Variants in TAGAP observed in about 807,000 individuals in gnomAD.
TAGAP encodes the protein T cell activation RhoGTPase activating protein, also known as T-cell activation Rho GTPase-activating protein.
A neutral mutation model predicts 36.0 loss-of-function variants in TAGAP; 16 were observed. That is an observed-to-expected ratio of 0.44 (90% CI 0.30 to 0.68). TAGAP has a LOEUF of 0.68. Among genes scored for constraint, TAGAP ranks in the 30% least tolerant of loss-of-function variants. The pLI is 0.09. For synonymous variants in TAGAP, 372 were observed against 377.4 expected, an observed-to-expected ratio of 0.99 and a Z score of 0.17; for missense variants, 794 against 921.5, an observed-to-expected ratio of 0.86 and a Z score of 1.79.
rs370566579 is a variant in TAGAP, at chr6:159,041,324, G to C, written c.477+30C>G. ...ATGAGTGTGTCAGGGCCCCTTGGCAGGTTATTTGGCGCAAGTGTGTTGAAC... is the reference window on the plus strand; with the variant it reads ...ATGAGTGTGTCAGGGCCCCTTGGCACGTTATTTGGCGCAAGTGTGTTGAAC... On this transcript the variant is annotated intron_variant, in intron 6 of 9. Coordinates refer to ENST00000367066, the MANE Select transcript of TAGAP (RefSeq NM_054114.5). This position sits in a 1 kb window ranked among gnomAD's most constrained non-coding sequence, Gnocchi z 4.1. The C allele has an allele frequency of 4.4e-6, 7 of 1,608,788 alleles. No individual in the cohort carries two copies. Among genetic ancestry groups the C allele is most frequent in the Non-Finnish European group, 5.1e-6 (6 of 1,177,562 alleles).
chr6:159,044,767 A>G, intron 1 of TAGAP, 112 bp downstream of exon 1: 1 of 394,614 alleles, frequency 2.5e-6, no homozygotes, highest in Non-Finnish European at 4.5e-6. Context: ...GACTTTATAA[A>G]GTGAGAGCAT....
chr6:159,038,182 A>G lies in TAGAP; in HGVS notation c.830T>C (p.Phe277Ser). 1 of 1,613,638 alleles carries G rather than the reference A, an allele frequency of 6.2e-7. No individual in the cohort carries two copies. Among genetic ancestry groups the G allele is most frequent in the Non-Finnish European group, 8.5e-7 (1 of 1,179,728 alleles). The change falls in exon 9 of 10, where the codon TTT becomes TCT. Residue 277 changes from phenylalanine to serine, a missense_variant. Coordinates refer to ENST00000367066, the MANE Select transcript of TAGAP (RefSeq NM_054114.5). Reference protein sequence around the residue: ...EFLIDNCFEIFGENIPVHSSI... With the variant: ...EFLIDNCFEISGENIPVHSSI... ...GGAATGCACTGGAATGTTCTCCCCA[A>G]ATATTTCAAAGCAGTTATCAATGAG...
intron 4 of TAGAP, among the ~76,000 whole-genome samples, chr6:159,043,366 G>T (rs1015065594): frequency 1.3e-5 from 2 of 152,226 alleles, no homozygotes; most frequent in Non-Finnish European, 2.9e-5. Context: ...AAAACGCTTG[G>T]CAGAACTGGG....
rs1417940893 is a variant in TAGAP at position 159,043,909 on chromosome 6, A to G, written c.81+69T>C. The G allele has an allele frequency of 3.6e-6, 5 of 1,393,396 alleles. No homozygotes were observed. In the Admixed American group the frequency reaches 7.8e-5, roughly 22 times the overall value. 86.3% of individuals were successfully genotyped at this position (1,393,396 alleles called of 1,614,324 possible). On this transcript the variant is annotated intron_variant, in intron 3 of 9. Transcript: ENST00000367066. ...ATAATTACTATTCAACCCAAATAAT[A>G]TTCAATTAAAACAAAGTTTTCCACC...
rs1173819328 is a variant in TAGAP, at chr6:159,035,962, C to A, written c.2061G>T (p.Gly687=). The A allele has an allele frequency of 6.2e-7, 1 of 1,614,082 alleles. No homozygotes were observed. The highest frequency in any genetic ancestry group is 1.3e-5 in the African/African-American group (1 of 74,934). ...TCCTCAGCGGGAGGAGCTCAGGTCT[C>A]CCTGGGCCAGACACGTGCCCCAGAG... is the stretch of plus-strand genomic sequence containing the variant. ...GDSLGHVSGP[G]RPELLPLRTV... Residue 687 remains glycine, a synonymous_variant, in exon 10 of 10, where the codon GGG becomes GGT. Coordinates refer to ENST00000367066, the MANE Select transcript of TAGAP (RefSeq NM_054114.5).
rs146024346 is a variant in TAGAP, at chr6:159,041,513, G to A, written c.318C>T (p.Asp106=). ...CTTTAAGGCATAGAATAGTGAGAAT[G>A]TCCTAAAGGAAACAGCAATAGGAAC... The part of the protein sequence containing the change: ...DSDTLPRPIQ[D]ILTILCLKGP... Residue 106 remains aspartate, a splice_region_variant and synonymous_variant, in exon 6 of 10, where the codon GAC becomes GAT. Transcript: ENST00000367066. The surrounding 1 kb of genome is among the most constrained non-coding windows in gnomAD (Gnocchi z 4.1). 330 of 1,613,196 alleles carry A rather than the reference G, an allele frequency of 2.0e-4. No homozygotes were observed. Among genetic ancestry groups the A allele is most frequent in the Non-Finnish European group, 2.7e-4 (321 of 1,179,742 alleles).
chr6:159,038,265 CTTTTTTT>C (rs559846736), intron 8 of TAGAP, 37 bp from the exon 9 acceptor site: 16,591 of 457,872 alleles, frequency 0.036, 118 homozygotes, highest in African/African-American at 0.05. Flanking sequence ...AGCTTGAAGA[CTTTTTTT>C]TTTTTTTTTT....
chr6:159,036,948 C>A lies in TAGAP; in HGVS notation c.1075G>T (p.Val359Leu). 1 of 1,613,634 alleles carries A rather than the reference C, an allele frequency of 6.2e-7. No individual in the cohort carries two copies. Among genetic ancestry groups the A allele is most frequent in the Non-Finnish European group, 8.5e-7 (1 of 1,179,676 alleles). ...DAREVSPEPI[V>L]STVARLKSSL... is the part of the protein sequence containing the mutation. The stretch of plus-strand genomic sequence containing the variant: ...CTTTTCAGCCTGGCCACGGTGCTCA[C>A]AATGGGCTCTGGGCTGACCTCTCGG... The change falls in exon 10 of 10, where the codon GTG becomes TTG. Residue 359 changes from valine (V) to leucine (L), a missense_variant. Physicochemically the swap from Val to Leu is conservative, Grantham distance 32. Transcript: ENST00000367066. This position sits in a 1 kb window ranked among gnomAD's most constrained non-coding sequence, Gnocchi z 4.9.
Position 159,039,158 on chromosome 6 carries a change from C to T in TAGAP, c.739G>A (p.Asp247Asn), listed in dbSNP as rs778035400. ...IGPNMLTLEN[D>N]QSLSFEAQKD... ...TGGGCTTCAAATGACAGGCTCTGGT[C>T]ATTCTCCAGGGTGAGCATGTTGGGT... Residue 247 changes from aspartate (D) to asparagine (N), a missense_variant, in exon 8 of 10, where the codon GAC becomes AAC. Coordinates refer to ENST00000367066, the MANE Select transcript of TAGAP (RefSeq NM_054114.5). 1 of 1,614,164 alleles carries T rather than the reference C, an allele frequency of 6.2e-7. No individual in the cohort carries two copies. The highest frequency in any genetic ancestry group is 1.1e-5 in the South Asian group (1 of 91,058).
At chr6:159,043,843 T>C in intron 3 of TAGAP, 135 bp downstream of exon 3, 1 of 977,520 alleles carries the variant, frequency 1.0e-6, no homozygotes. Flanking sequence ...CTAATTAATG[T>C]GCTTAATTTA....
rs1201367406 is a variant in TAGAP at position 159,037,188 on chromosome 6, G to T, written c.899-64C>A. 9.6e-6 allele frequency: 13 copies of T among 1,353,522 alleles called. No individual in the cohort carries two copies. The highest frequency in any genetic ancestry group is 2.8e-5 in the Admixed American group (1 of 35,238). 83.8% of individuals were successfully genotyped at this position (1,353,522 alleles called of 1,614,324 possible). ...TTTATTTATTTATTTATTTTTATTT[G>T]TATTTTTTATTTTCATTTTTTGAGA... On this transcript the variant is annotated intron_variant, in intron 9 of 9. Coordinates refer to ENST00000367066, the MANE Select transcript of TAGAP (RefSeq NM_054114.5). This position sits in a 1 kb window ranked among gnomAD's most constrained non-coding sequence, Gnocchi z 5.1.
At chr6:159,044,727 C>G (rs535782373) in intron 1 of TAGAP, among the ~76,000 whole-genome samples, 152 bp downstream of exon 1, 7 of 152,168 alleles carry the variant, frequency 4.6e-5, no homozygotes, top group African/African-American at 1.4e-4. Context: ...AAAGGTGCAG[C>G]CTTCACGTTG....
intron 7 of TAGAP, 76 bp from the exon 8 acceptor site, chr6:159,039,385 G>A (rs760749430): frequency 4.4e-5 from 64 of 1,462,514 alleles, no homozygotes; most frequent in Middle Eastern, 2.5e-4. Context: ...AGTTTCTGCC[G>A]AAACCAGACT....
Position 159,040,895 on chromosome 6 carries a change from C to T in TAGAP, c.478-63G>A, listed in dbSNP as rs543319828. ...GTATGATGTCCCATGTCCTTGTTTTCACCCGGTTTTCGTTCCATCGCAGGG... is the reference window on the plus strand; with the variant it reads ...GTATGATGTCCCATGTCCTTGTTTTTACCCGGTTTTCGTTCCATCGCAGGG... On this transcript the variant is annotated intron_variant, in intron 6 of 9. Coordinates refer to ENST00000367066, the MANE Select transcript of TAGAP (RefSeq NM_054114.5). The T allele has an allele frequency of 3.3e-5, 45 of 1,372,116 alleles. 2 individuals are homozygous for T. Among genetic ancestry groups the T allele is most frequent in the Middle Eastern group, 3.9e-4 (2 of 5,080 alleles). 85.0% of individuals were successfully genotyped at this position (1,372,116 alleles called of 1,614,324 possible).
At chr6:159,043,499 C>T in intron 4 of TAGAP, 90 bp downstream of exon 4, 1 of 1,219,984 alleles carries the variant, frequency 8.2e-7, no homozygotes, top group Non-Finnish European at 1.2e-6. Flanking sequence ...CAAAAAAATT[C>T]CTAGTAGAGT....
rs1470787046 is a variant in TAGAP, at chr6:159,036,907, G to C, written c.1116C>G (p.Pro372=). 1.2e-6 allele frequency: 2 copies of C among 1,613,986 alleles called. No individual in the cohort carries two copies. The highest frequency in any genetic ancestry group is 1.7e-5 in the Admixed American group (1 of 59,996). The change falls in exon 10 of 10, where the codon CCC becomes CCG. Residue 372 remains proline (P), a synonymous_variant. Transcript: ENST00000367066. This position sits in a 1 kb window ranked among gnomAD's most constrained non-coding sequence, Gnocchi z 4.9. The part of the protein sequence containing the change: ...VARLKSSLAQ[P]DRRYSEPSMP... The stretch of plus-strand genomic sequence containing the variant: ...TGCTGGGCTCTGAGTATCTCCTATC[G>C]GGCTGTGCGAGGGAGCTTTTCAGCC...
intron 4 of TAGAP, 39 bp from the exon 5 acceptor site, chr6:159,042,283 T>G: frequency 6.3e-7 from 1 of 1,596,086 alleles, no homozygotes; most frequent in South Asian, 1.1e-5. Flanking sequence ...AAAATTAGAC[T>G]ACAGTGTTAA....
At position 159,043,620 on chromosome 6, in the gene TAGAP, A is replaced by T. The variant is rs1387289281; in HGVS notation, c.117T>A (p.Cys39Ter). The T allele has an allele frequency of 6.2e-7, 1 of 1,613,944 alleles. No individual in the cohort carries two copies. Among genetic ancestry groups the T allele is most frequent in the Non-Finnish European group, 8.5e-7 (1 of 1,179,920 alleles). ...GCTGGCAAATACTGTCTTCACTCTC[A>T]CATGATGCCAACAGGGGATGTTCCT... Reference protein sequence around the residue: ...DIKEHPLLASCESEDSICQLI... With the variant: ...DIKEHPLLAS Residue 39 changes from cysteine to a stop codon, truncating the protein, a stop_gained, in exon 4 of 10, where the codon TGT (cysteine) becomes TGA (stop). Transcript: ENST00000367066. LOFTEE classifies it high-confidence loss of function.
At position 159,043,641 on chromosome 6, in the gene TAGAP, T is replaced by G. The variant is rs1368420300; in HGVS notation, c.96A>C (p.Glu32Asp). The G allele has an allele frequency of 6.2e-7, 1 of 1,614,060 alleles. No homozygotes were observed. Among genetic ancestry groups the G allele is most frequent in the Admixed American group, 1.7e-5 (1 of 60,028 alleles). The change falls in exon 4 of 10, where the codon GAA (glutamate) becomes GAC (aspartate). Residue 32 changes from glutamate to aspartate, a missense_variant. Glu to Asp is a conservative substitution (Grantham distance 45, BLOSUM62 2). Coordinates refer to ENST00000367066, the MANE Select transcript of TAGAP (RefSeq NM_054114.5). ...IECQSEGDIK[E>D]HPLLASCESE... ...TCTCACATGATGCCAACAGGGGATGTTCCTTGATATCACCCTAAAAACATT... is the reference window on the plus strand; with the variant it reads ...TCTCACATGATGCCAACAGGGGATGGTCCTTGATATCACCCTAAAAACATT...
Sources: gnomAD v4.1 joint callset for allele counts (sites outside exome capture counted in the v4.1 genomes callset) on GRCh38, gnomAD v4.1.1 for gene constraint, Gnocchi (gnomAD v3.1) non-coding constraint, MANE v1.5 for transcripts, NCBI Gene and HGNC (gene_info 2026-07-23, HGNC 2026-07-21) for gene names.